The following TMEM106B variants were observed in gnomAD, a reference collection of about 807,000 sequenced individuals.
TMEM106B encodes the protein transmembrane protein 106B.
In TMEM106B, 15 loss-of-function variants were observed where a neutral mutation model predicts 31.1. That is an observed-to-expected ratio of 0.48 (90% CI 0.32 to 0.74). The LOEUF (loss-of-function observed/expected upper bound fraction) is 0.74, where lower values mean the gene tolerates loss of function less well. Ranked by LOEUF, TMEM106B falls within the 30% of genes least tolerant of loss-of-function variation. The pLI is 0.03. For missense variants in TMEM106B, 283 were observed against 327.3 expected (o/e 0.86, Z 1.04); for synonymous variants, 126 against 112.5 (o/e 1.12, Z -0.76).
intron 3 of TMEM106B, among the ~76,000 whole-genome samples, chr7:12,220,938 A>G (rs1406280156): frequency 6.6e-6 from 1 of 152,180 alleles, no homozygotes; most frequent in Admixed American, 6.5e-5. Flanking sequence ...GATATTGACA[A>G]TATGTTTTTC....
At position 12,232,678 on chromosome 7, in the gene TMEM106B, A is replaced by G. The variant is rs746481427; in HGVS notation, c.*703A>G. The G allele has an allele frequency of 3.9e-5, 6 of 152,326 alleles. No individual in the cohort carries two copies. Among genetic ancestry groups the G allele is most frequent in the Admixed American group, 1.3e-4 (2 of 15,234 alleles). 9.4% of individuals were successfully genotyped at this position (152,326 alleles called of 1,614,324 possible). A position where few individuals can be genotyped will look rare whatever the true frequency, so the allele number is the denominator to read the frequency against. On this transcript the variant is annotated 3_prime_UTR_variant, in exon 8 of 8. Transcript: ENST00000396668. ...TTGTGAAATCTTTGTGTGATCTTCA[A>G]ACATTATCATTTAATGTACAATACT... is the stretch of plus-strand genomic sequence containing the variant.
chr7:12,213,970 C>T (rs1045784409), intron 1 of TMEM106B, among the ~76,000 whole-genome samples: 1 of 152,104 alleles, frequency 6.6e-6, no homozygotes, highest in African/African-American at 2.4e-5. Context: ...AATTCAGGCA[C>T]AACTGACCAG....
chr7:12,218,572 T>G (rs1458393138), intron 3 of TMEM106B, 51 bp downstream of exon 3: 2 of 1,504,636 alleles, frequency 1.3e-6, no homozygotes, highest in Non-Finnish European at 1.8e-6. Context: ...TTTTGTTTTT[T>G]GTATTTTTTC....
intron 4 of TMEM106B, among the ~76,000 whole-genome samples, chr7:12,228,593 C>T (rs1010043899): frequency 1.3e-5 from 2 of 151,512 alleles, no homozygotes; most frequent in African/African-American, 4.8e-5. Flanking sequence ...CATTAGCATC[C>T]TAATGTTTTT....
chr7:12,238,039 C>T lies in TMEM106B; in HGVS notation c.*6064C>T. 1 of 152,256 alleles carries T rather than the reference C, an allele frequency of 6.6e-6. No individual in the cohort carries two copies. The highest frequency in any genetic ancestry group is 1.9e-4 in the East Asian group (1 of 5,204). The allele number at this position is 152,256 out of a possible 1,614,324, so 9.4% of individuals were successfully genotyped here. A position where few individuals can be genotyped will look rare whatever the true frequency, so the allele number is the denominator to read the frequency against. ...TATCACATCTATTGCCTTGTCCTTT[C>T]ATGAAAGATGTCTCTAGCATGTGAT... On this transcript the variant is annotated 3_prime_UTR_variant, in exon 8 of 8. Coordinates refer to ENST00000396668, the MANE Select transcript of TMEM106B (RefSeq NM_001134232.2).
chr7:12,214,703 T>G, intron 1 of TMEM106B, 106 bp from the exon 2 acceptor site: 1 of 985,552 alleles, frequency 1.0e-6, no homozygotes. Flanking sequence ...TTACAGAGTT[T>G]GACTGTTCCT....
intron 3 of TMEM106B, among the ~76,000 whole-genome samples, chr7:12,218,752 A>G (rs1781734830): frequency 6.6e-6 from 1 of 152,132 alleles, no homozygotes; most frequent in Non-Finnish European, 1.5e-5. Flanking sequence ...CTATGGAAAT[A>G]GATCTAGAAT....
intron 4 of TMEM106B, among the ~76,000 whole-genome samples, chr7:12,224,756 A>ATT (rs1781865223): frequency 6.6e-6 from 1 of 152,180 alleles, no homozygotes; most frequent in Admixed American, 6.5e-5. Context: ...ATTTCATTGT[A>ATT]TTTGGGAAAT....
At position 12,218,563 on chromosome 7, in the gene TMEM106B, TTTG is replaced by T. The variant is rs771679380; in HGVS notation, c.281+45_281+47del. ...ATATGGCAGTGTTTTATGTTTTATT[TTTG>T]TTTTTTGTATTTTTTCAAATTATGT... On this transcript the variant is annotated intron_variant, in intron 3 of 7. Coordinates refer to ENST00000396668, the MANE Select transcript of TMEM106B (RefSeq NM_001134232.2). The T allele has an allele frequency of 1.1e-5, 17 of 1,536,062 alleles. No individual in the cohort carries two copies. In the African/African-American group the frequency reaches 2.2e-4, roughly 20 times the overall value.
chr7:12,236,253 C>T lies in TMEM106B; in HGVS notation c.*4278C>T, dbSNP rs1201695705. On this transcript the variant is annotated 3_prime_UTR_variant, in exon 8 of 8. Coordinates refer to ENST00000396668, the MANE Select transcript of TMEM106B (RefSeq NM_001134232.2). The stretch of plus-strand genomic sequence containing the variant: ...TCACAGTGGATTTTTGAAGTTTGTC[C>T]TTAAATTGGATAAAATCAAGTGATT... The T allele has an allele frequency of 1.3e-5, 2 of 151,622 alleles. No homozygotes were observed. Among genetic ancestry groups the T allele is most frequent in the Non-Finnish European group, 2.9e-5 (2 of 67,816 alleles). 9.4% of individuals were successfully genotyped at this position (151,622 alleles called of 1,614,324 possible).
chr7:12,240,455 T>G lies in TMEM106B; in HGVS notation c.*8480T>G, dbSNP rs2128530086. The G allele has an allele frequency of 6.6e-6, 1 of 152,316 alleles. No homozygotes were observed. The highest frequency in any genetic ancestry group is 2.1e-4 in the South Asian group (1 of 4,828). The allele number at this position is 152,316 out of a possible 1,614,324, so 9.4% of individuals were successfully genotyped here. A position where few individuals can be genotyped will look rare whatever the true frequency, so the allele number is the denominator to read the frequency against. On this transcript the variant is annotated 3_prime_UTR_variant, in exon 8 of 8. Transcript: ENST00000396668. ...TTTTAAACTTTTGTTTTCATCAACT[T>G]TTTTCAAACAATTTTTGTCAGCTTA...
chr7:12,211,998 C>G (rs1781588548), intron 1 of TMEM106B, among the ~76,000 whole-genome samples: 2 of 152,092 alleles, frequency 1.3e-5, no homozygotes, highest in Admixed American at 1.3e-4. Context: ...TCTAGCACCC[C>G]TTTTTTAAAC....
At position 12,236,713 on chromosome 7, in the gene TMEM106B, T is replaced by C. The variant is rs1782143964; in HGVS notation, c.*4738T>C. 6.6e-6 allele frequency: 1 copy of C among 152,070 alleles called. No homozygotes were observed. Among genetic ancestry groups the C allele is most frequent in the African/African-American group, 2.4e-5 (1 of 41,442 alleles). 9.4% of individuals were successfully genotyped at this position (152,070 alleles called of 1,614,324 possible). ...GCTGTAGTTGGGTAATTCCAAGTGC[T>C]GATAGTACTATTCATCTTTTTTATT... On this transcript the variant is annotated 3_prime_UTR_variant, in exon 8 of 8. Transcript: ENST00000396668.
Position 12,211,321 on chromosome 7 carries a change from C to G in TMEM106B, c.-107C>G, listed in dbSNP as rs1781567362. 6.6e-6 allele frequency: 1 copy of G among 152,488 alleles called. No individual in the cohort carries two copies. The highest frequency in any genetic ancestry group is 1.5e-5 in the Non-Finnish European group (1 of 68,256). 9.4% of individuals were successfully genotyped at this position (152,488 alleles called of 1,614,324 possible). ...CTCTACGGCGGCCGCGCGCTCCAGG[C>G]CGGTCGCTCCACCCCCCGGCTCCCG... is the stretch of plus-strand genomic sequence containing the variant. On this transcript the variant is annotated 5_prime_UTR_variant, in exon 1 of 8. Coordinates refer to ENST00000396668, the MANE Select transcript of TMEM106B (RefSeq NM_001134232.2).
At chr7:12,225,300 C>G (rs1428262468) in intron 4 of TMEM106B, among the ~76,000 whole-genome samples, 2 of 152,168 alleles carry the variant, frequency 1.3e-5, no homozygotes, top group African/African-American at 4.8e-5. Flanking sequence ...CAAGTCTTTA[C>G]TATTGTGAAT....
chr7:12,222,981 G>A (rs1267758208), intron 3 of TMEM106B, among the ~76,000 whole-genome samples: 2 of 152,142 alleles, frequency 1.3e-5, no homozygotes, highest in African/African-American at 4.8e-5. Context: ...GAAAATTTTT[G>A]TATAAGTAGA....
chr7:12,214,054 C>G (rs886071148), intron 1 of TMEM106B: 1 of 152,154 alleles, frequency 6.6e-6, no homozygotes, highest in Non-Finnish European at 1.5e-5. Context: ...CCCAACCTGA[C>G]TCTAATATAG....
At position 12,232,671 on chromosome 7, in the gene TMEM106B, A is replaced by T. The variant is rs1000288585; in HGVS notation, c.*696A>T. The stretch of plus-strand genomic sequence containing the variant: ...TATAGTTTTGTGAAATCTTTGTGTG[A>T]TCTTCAAACATTATCATTTAATGTA... On this transcript the variant is annotated 3_prime_UTR_variant, in exon 8 of 8. Coordinates refer to ENST00000396668, the MANE Select transcript of TMEM106B (RefSeq NM_001134232.2). 9.8e-5 allele frequency: 15 copies of T among 152,304 alleles called. No homozygotes were observed. Among genetic ancestry groups the T allele is most frequent in the Non-Finnish European group, 1.8e-4 (12 of 67,790 alleles). 9.4% of individuals were successfully genotyped at this position (152,304 alleles called of 1,614,324 possible). A position where few individuals can be genotyped will look rare whatever the true frequency, so the allele number is the denominator to read the frequency against.
At chr7:12,221,736 C>A (rs549205715) in intron 3 of TMEM106B, among the ~76,000 whole-genome samples, 1 of 152,298 alleles carries the variant, frequency 6.6e-6, no homozygotes, top group South Asian at 2.1e-4. Flanking sequence ...CAGTGGTCTT[C>A]CTCAATGGAG....
Sources: gnomAD v4.1 joint callset for allele counts (sites outside exome capture counted in the v4.1 genomes callset) on GRCh38, gnomAD v4.1.1 for gene constraint, MANE v1.5 for transcripts, NCBI Gene and HGNC (gene_info 2026-07-23, HGNC 2026-07-21) for gene names.